Variants in ABCB9 observed in about 807,000 individuals in gnomAD.
ABCB9 encodes the protein ABC-type oligopeptide transporter ABCB9.
ABCB9 carries 36 observed loss-of-function variants against 62.0 expected under a neutral mutation model. That is an observed-to-expected ratio of 0.58 (90% CI 0.45 to 0.77). The LOEUF is 0.77. Among genes scored for constraint, ABCB9 ranks in the 30% least tolerant of loss-of-function variants. The pLI is 0.00. For missense variants in ABCB9, 943 were observed against 1,054.7 expected (o/e 0.89, Z 1.47); for synonymous variants, 435 against 461.4 (o/e 0.94, Z 0.73).
At chr12:122,948,547 C>T (rs1043026608) in intron 5 of ABCB9, 77 bp downstream of exon 5, 2 of 1,356,992 alleles carry the variant, frequency 1.5e-6, no homozygotes, top group South Asian at 3.1e-5. Context: ...CCCTTAGTGG[C>T]CCCCTGAGCC....
rs369214510 is a variant in ABCB9 at position 122,950,434 on chromosome 12, G to A, written c.716+17C>T. On this transcript the variant is annotated intron_variant, in intron 3 of 11. Transcript: ENST00000280560. ...GTCGGGGTGTGCGGGGCAGGGCGTG[G>A]GGGTTGAGCCAGCTACCTGCCAATG... 1.2e-6 allele frequency: 2 copies of A among 1,602,502 alleles called. No homozygotes were observed. Among genetic ancestry groups the A allele is most frequent in the Non-Finnish European group, 8.5e-7 (1 of 1,175,856 alleles).
chr12:122,948,910 G>T, intron 4 of ABCB9, 81 bp from the exon 5 acceptor site: 1 of 1,131,032 alleles, frequency 8.8e-7, no homozygotes, highest in Non-Finnish European at 1.2e-6. Flanking sequence ...GGGCCTCTGA[G>T]ACAGACACTG....
At position 122,944,680 on chromosome 12, in the gene ABCB9, A is replaced by C; in HGVS notation, c.1252-161T>G. Reference sequence around the variant, plus strand: ...GGGTGTCTTCCAAGGCTTGTCACTCATGCCTTCCCCTGCCCCGAGCATTTC... The same window carrying C: ...GGGTGTCTTCCAAGGCTTGTCACTCCTGCCTTCCCCTGCCCCGAGCATTTC... On this transcript the variant is annotated intron_variant, in intron 6 of 11. Transcript: ENST00000280560. The surrounding 1 kb of genome is among the most constrained non-coding windows in gnomAD (Gnocchi z 4.9). 1 of 977,606 alleles carries C rather than the reference A, an allele frequency of 1.0e-6. No homozygotes were observed. Among genetic ancestry groups the C allele is most frequent in the Non-Finnish European group, 1.5e-6 (1 of 682,248 alleles). 60.6% of individuals were successfully genotyped at this position (977,606 alleles called of 1,614,324 possible).
chr12:122,920,957 C>T (rs926010795), exon 12 of ABCB9: 34 of 1,473,042 alleles, frequency 2.3e-5, no homozygotes, highest in Non-Finnish European at 3.0e-5. Flanking sequence ...GTTTGCTGCA[C>T]TGAAAATGTT....
intron 2 of ABCB9, among the ~76,000 whole-genome samples, chr12:122,957,108 C>A (rs1334570039): frequency 6.6e-6 from 1 of 151,822 alleles, no homozygotes; most frequent in Non-Finnish European, 1.5e-5. Context: ...GTGGCGTCAT[C>A]ATGGCTCACT....
chr12:122,943,693 G>A (rs1402329625), intron 7 of ABCB9, among the ~76,000 whole-genome samples: 8 of 151,968 alleles, frequency 5.3e-5, no homozygotes, highest in African/African-American at 1.7e-4. Context: ...GCAGTGGCGC[G>A]ATCTTGGCTC....
chr12:122,970,835 A>G (rs971385223), upstream of ABCB9, among the ~76,000 whole-genome samples: 1 of 152,234 alleles, frequency 6.6e-6, no homozygotes, highest in African/African-American at 2.4e-5. Flanking sequence ...TTCAGTGCTA[A>G]AATGAAATGA....
chr12:122,926,397 A>T (rs2034907034), downstream of ABCB9, among the ~76,000 whole-genome samples: 1 of 152,074 alleles, frequency 6.6e-6, no homozygotes, highest in Non-Finnish European at 1.5e-5. Context: ...ACACAAAAAA[A>T]TTAGCTGGGT....
At chr12:122,973,588 A>C (rs1453422146) in intron 1 of ABCB9, among the ~76,000 whole-genome samples, 18 of 140,982 alleles carry the variant, frequency 1.3e-4, no homozygotes, top group Non-Finnish European at 2.3e-4. Flanking sequence ...GAAAAAAAAA[A>C]AAAAAAAAAA....
chr12:122,973,609 A>AAAAAAAAAAAAAC (rs762311490), intron 1 of ABCB9, among the ~76,000 whole-genome samples: 1 of 88,802 alleles, frequency 1.1e-5, no homozygotes, highest in Non-Finnish European at 2.3e-5. Context: ...AAAAAAAAAA[A>AAAAAAAAAAAAAC]CAAAAACTTT....
Position 122,940,232 on chromosome 12 carries a change from G to T in ABCB9, c.1622C>A (p.Ser541Ter). The T allele has an allele frequency of 6.2e-7, 1 of 1,611,684 alleles. No homozygotes were observed. The highest frequency in any genetic ancestry group is 8.5e-7 in the Non-Finnish European group (1 of 1,178,576). The change falls in exon 9 of 12, where the codon TCG (serine) becomes TAG (stop). Residue 541 changes from serine to a stop codon, truncating the protein, a stop_gained. Transcript: ENST00000280560. LOFTEE classifies it high-confidence loss of function. The surrounding 1 kb of genome is among the most constrained non-coding windows in gnomAD (Gnocchi z 4.8). ...GACACAGGAGCTCTTCCCACTGCCCGAGGGCCCCACCAGGGCCGTCACCTT... is the reference window on the plus strand; with the variant it reads ...GACACAGGAGCTCTTCCCACTGCCCTAGGGCCCCACCAGGGCCGTCACCTT... ...PGKVTALVGP[S>*]GSGKSSCVNI...
Position 122,940,892 on chromosome 12 carries a change from A to G in ABCB9, c.1484T>C (p.Leu495Ser). 1.2e-6 allele frequency: 2 copies of G among 1,612,556 alleles called. No homozygotes were observed. Among genetic ancestry groups the G allele is most frequent in the Non-Finnish European group, 1.7e-6 (2 of 1,179,408 alleles). ...RQPTMVHDGS[L>S]APDHLEGRVD... ...CCGGCCCTCCAGGTGGTCGGGGGCCAAGCTGCCATCGTGCACCATGGTCGG... is the reference window on the plus strand; with the variant it reads ...CCGGCCCTCCAGGTGGTCGGGGGCCGAGCTGCCATCGTGCACCATGGTCGG... Residue 495 changes from leucine (L) to serine (S), a missense_variant, in exon 8 of 12, where the codon TTG (leucine) becomes TCG (serine). By Grantham distance (145) the Leu-to-Ser change is moderately radical (BLOSUM62 -2). Coordinates refer to ENST00000280560, the MANE Select transcript of ABCB9 (RefSeq NM_019625.4). The surrounding 1 kb of genome is among the most constrained non-coding windows in gnomAD (Gnocchi z 4.8).
At chr12:122,946,677 G>C (rs2135840361) in intron 5 of ABCB9, among the ~76,000 whole-genome samples, 1 of 152,336 alleles carries the variant, frequency 6.6e-6, no homozygotes, top group East Asian at 1.9e-4. Context: ...CATAAATTAT[G>C]TTAGAGCCTG....
chr12:122,924,753 A>T, downstream of ABCB9: 1 of 1,534,088 alleles, frequency 6.5e-7, no homozygotes, highest in Non-Finnish European at 8.7e-7. Flanking sequence ...TCTCTGGCCA[A>T]CTGTGCTGTT....
upstream of ABCB9, among the ~76,000 whole-genome samples, chr12:122,970,506 C>T (rs973893383): frequency 6.6e-6 from 1 of 152,168 alleles, no homozygotes; most frequent in Non-Finnish European, 1.5e-5. Context: ...CCTCGGCCTC[C>T]CAAAGTGCTG....
chr12:122,964,116 G>A lies in ABCB9; in HGVS notation c.-88+2171C>T, dbSNP rs1439881619. Among the ~76,000 whole-genome samples, 1 of 152,154 alleles carries A rather than the reference G, an allele frequency of 6.6e-6. No homozygotes were observed. The highest frequency in any genetic ancestry group is 2.4e-5 in the African/African-American group (1 of 41,436). On this transcript the variant is annotated intron_variant, in intron 1 of 11. Transcript: ENST00000280560. The surrounding 1 kb of genome is among the most constrained non-coding windows in gnomAD (Gnocchi z 4.7). The stretch of plus-strand genomic sequence containing the variant: ...CTCAGCTGCTGCTCTCCTCGTGGTG[G>A]GCACATGGGGTCCCTCAGTCCCCAG...
upstream of ABCB9, among the ~76,000 whole-genome samples, chr12:122,966,670 C>G (rs929133053): frequency 6.6e-6 from 1 of 152,260 alleles, no homozygotes; most frequent in African/African-American, 2.4e-5. Flanking sequence ...GGGGCCACAG[C>G]TGGCCACCTG....
In ABCB9 at chr12:122,959,629, A is replaced by C; in HGVS notation, c.601+6T>G. On this transcript the variant is annotated splice_donor_region_variant and intron_variant, in intron 2 of 11. Transcript: ENST00000280560. This position sits in a 1 kb window ranked among gnomAD's most constrained non-coding sequence, Gnocchi z 5.4. Reference sequence around the variant, plus strand: ...GTGGCCACATGTCCCCGAGGTCCTTACTTACCCAGAGCTGCCACGATGAGG... The same window carrying C: ...GTGGCCACATGTCCCCGAGGTCCTTCCTTACCCAGAGCTGCCACGATGAGG... 1 of 1,542,076 alleles carries C rather than the reference A, an allele frequency of 6.5e-7. No homozygotes were observed. Among genetic ancestry groups the C allele is most frequent in the South Asian group, 1.2e-5 (1 of 80,554 alleles).
intron 1 of ABCB9, among the ~76,000 whole-genome samples, 166 bp downstream of exon 1, chr12:122,966,121 C>T (rs369094261): frequency 4.7e-4 from 72 of 152,332 alleles, no homozygotes; most frequent in African/African-American, 1.5e-3. Context: ...GGGCTGGGAG[C>T]TGCGGCTGCG....
Sources: allele counts gnomAD v4.1 joint callset (sites outside exome capture counted in the v4.1 genomes callset), GRCh38; gene constraint gnomAD v4.1.1; non-coding constraint Gnocchi (gnomAD v3.1); transcripts MANE v1.5; gene names NCBI Gene and HGNC (gene_info 2026-07-23, HGNC 2026-07-21).